The following GRTP1 variants were observed in gnomAD, a reference collection of about 807,000 sequenced individuals.
The protein encoded by GRTP1 is growth hormone-regulated TBC protein 1.
In GRTP1, 56 loss-of-function variants were observed where a neutral mutation model predicts 38.1. That is an observed-to-expected ratio of 1.47 (90% CI 1.19 to 1.84). GRTP1 has a LOEUF of 1.84. GRTP1 is among the 40% of genes most tolerant of loss of function. The pLI is 0.00. For synonymous variants in GRTP1, 217 were observed against 189.5 expected, an observed-to-expected ratio of 1.14 and a Z score of -1.19; for missense variants, 506 against 453.9, an observed-to-expected ratio of 1.11 and a Z score of -1.04.
chr13:113,350,063 C>T (rs1032150092), intron 4 of GRTP1, among the ~76,000 whole-genome samples: 7 of 152,100 alleles, frequency 4.6e-5, no homozygotes, highest in Admixed American at 2.6e-4. Flanking sequence ...ACGGGCTGTG[C>T]GCACACCTGG....
intron 4 of GRTP1, among the ~76,000 whole-genome samples, chr13:113,347,294 G>GAC (rs1308117203): frequency 2.9e-5 from 2 of 68,720 alleles, no homozygotes; most frequent in African/African-American, 7.1e-5. Context: ...CTCTGTGGCT[G>GAC]AGCGGATCTG....
intron 5 of GRTP1, among the ~76,000 whole-genome samples, chr13:113,334,996 G>T (rs1288159668): frequency 6.6e-6 from 1 of 151,638 alleles, no homozygotes; most frequent in Non-Finnish European, 1.5e-5. Flanking sequence ...CTAATTTTTT[G>T]TATTTTTAGT....
At position 113,326,079 on chromosome 13, in the gene GRTP1, G is replaced by A. The variant is rs547229287; in HGVS notation, c.575C>T (p.Pro192Leu). 130 of 1,609,372 alleles carry A rather than the reference G, an allele frequency of 8.1e-5. No homozygotes were observed. The South Asian group carries it at 1.3e-3, about 16-fold the overall frequency. ...VGRILPDYYSPAMLGLKTDQE... is the reference protein window; with the variant it reads ...VGRILPDYYSLAMLGLKTDQE... ...GTCGGTCTTCAGGCCCAGCATGGCC[G>A]GGCTGTAGTAATCTGCCAGGCAATG... The change falls in exon 6 of 8, where the codon CCG (proline) becomes CTG (leucine). Residue 192 changes from proline (P) to leucine (L), a missense_variant. Transcript: ENST00000375431.
Position 113,355,005 on chromosome 13 carries a change from C to G in GRTP1, c.340+318G>C, listed in dbSNP as rs569650670. Reference sequence around the variant, plus strand: ...CAGCTGCGTCCGAAGGCCGCGTGAACAGTGCCCGGTGCGAAGCGCACCGGC... The same window carrying G: ...CAGCTGCGTCCGAAGGCCGCGTGAAGAGTGCCCGGTGCGAAGCGCACCGGC... On this transcript the variant is annotated intron_variant, in intron 3 of 7. Coordinates refer to ENST00000375431, the MANE Select transcript of GRTP1 (RefSeq NM_024719.4). Among the ~76,000 whole-genome samples, 466 of 152,348 alleles carry G rather than the reference C, an allele frequency of 3.1e-3. 5 individuals carry two copies. The highest frequency in any genetic ancestry group is 0.011 in the African/African-American group (449 of 41,588).
intron 4 of GRTP1, among the ~76,000 whole-genome samples, chr13:113,346,164 GAC>G (rs1491136812): frequency 9.5e-5 from 13 of 137,420 alleles, no homozygotes; most frequent in East Asian, 4.2e-4. Flanking sequence ...CTCTGTGCCT[GAC>G]AGTGGACCCG....
chr13:113,324,973 C>T (rs777257446), intron 7 of GRTP1: 18 of 517,444 alleles, frequency 3.5e-5, no homozygotes, highest in Non-Finnish European at 4.3e-5. Context: ...ACTACATAAG[C>T]GTGAGCCACC....
chr13:113,324,378 T>C lies in GRTP1; in HGVS notation c.*110A>G. On this transcript the variant is annotated 3_prime_UTR_variant, in exon 8 of 8. Coordinates refer to ENST00000375431, the MANE Select transcript of GRTP1 (RefSeq NM_024719.4). ...AAAATTCACAACTAAAGTGTAGTGATGTCAAGTATTTACAACACTAAAAAG... is the reference window on the plus strand; with the variant it reads ...AAAATTCACAACTAAAGTGTAGTGACGTCAAGTATTTACAACACTAAAAAG... The C allele has an allele frequency of 5.8e-6, 8 of 1,375,086 alleles. No homozygotes were observed. The highest frequency in any genetic ancestry group is 7.6e-6 in the Non-Finnish European group (8 of 1,058,042). 85.2% of individuals were successfully genotyped at this position (1,375,086 alleles called of 1,614,324 possible).
Position 113,325,759 on chromosome 13 carries a change from C to T in GRTP1, c.823G>A (p.Glu275Lys), listed in dbSNP as rs371367321. ...ACGCTGGTGGCTTCCAAAATCAACT[C>T]CTGGTGCTGCTTAATTAAGGTCAGG... Reference protein sequence around the residue: ...VALTLIKQHQELILEATSVPD... With the variant: ...VALTLIKQHQKLILEATSVPD... The change falls in exon 7 of 8, where the codon GAG becomes AAG. Residue 275 changes from glutamate (E) to lysine (K), a missense_variant. Physicochemically the swap from Glu to Lys is moderately conservative, Grantham distance 56. Coordinates refer to ENST00000375431, the MANE Select transcript of GRTP1 (RefSeq NM_024719.4). 3.1e-6 allele frequency: 5 copies of T among 1,609,448 alleles called. No homozygotes were observed. Among genetic ancestry groups the T allele is most frequent in the African/African-American group, 1.3e-5 (1 of 75,026 alleles).
At chr13:113,328,275 G>T (rs1241450556) in intron 5 of GRTP1, among the ~76,000 whole-genome samples, 1 of 152,196 alleles carries the variant, frequency 6.6e-6, no homozygotes. Context: ...TGGCCAGGAC[G>T]GGGGCACAGC....
At chr13:113,350,082 G>A (rs990666225) in intron 4 of GRTP1, among the ~76,000 whole-genome samples, 3 of 152,060 alleles carry the variant, frequency 2.0e-5, no homozygotes, top group Non-Finnish European at 4.4e-5. Context: ...GGAAACCCTC[G>A]TGGAGGCCAG....
At chr13:113,341,602 C>G (rs2043027514) in intron 5 of GRTP1, among the ~76,000 whole-genome samples, 2 of 152,212 alleles carry the variant, frequency 1.3e-5, no homozygotes, top group South Asian at 4.2e-4. Context: ...AGAGGTTTGT[C>G]TATTTATCAG....
rs1444418343 is a variant in GRTP1 at position 113,349,451 on chromosome 13, T to A, written c.465+1398A>T. 6.6e-6 allele frequency among the ~76,000 whole-genome samples: 1 copy of A among 152,192 alleles called. No individual in the cohort carries two copies. Among genetic ancestry groups the A allele is most frequent in the African/African-American group, 2.4e-5 (1 of 41,426 alleles). On this transcript the variant is annotated intron_variant, in intron 4 of 7. Coordinates refer to ENST00000375431, the MANE Select transcript of GRTP1 (RefSeq NM_024719.4). The surrounding 1 kb of genome is among the most constrained non-coding windows in gnomAD (Gnocchi z 5.0). ...CTGTTTTTAAAACACAAAGGAGCAG[T>A]AAATAGAATGATGTAGAGGATTTCT...
At chr13:113,331,170 C>T (rs1018175900) in intron 5 of GRTP1, among the ~76,000 whole-genome samples, 2 of 152,154 alleles carry the variant, frequency 1.3e-5, no homozygotes, top group Non-Finnish European at 2.9e-5. Context: ...GCATGGAAAC[C>T]GGTCGCAGCT....
chr13:113,363,479 A>G (rs2043537580), intron 2 of GRTP1, among the ~76,000 whole-genome samples: 1 of 152,150 alleles, frequency 6.6e-6, no homozygotes, highest in Non-Finnish European at 1.5e-5. Context: ...CGCTGGGATT[A>G]CAGGCGTGAG....
chr13:113,360,886 G>A (rs1362262362), intron 2 of GRTP1, among the ~76,000 whole-genome samples: 10 of 152,196 alleles, frequency 6.6e-5, no homozygotes, highest in Admixed American at 3.9e-4. Flanking sequence ...TGAGGTGGGC[G>A]GATCACTGGA....
chr13:113,352,074 T>G (rs2043277255), intron 3 of GRTP1: 1 of 146,952 alleles, frequency 6.8e-6, no homozygotes, highest in African/African-American at 2.5e-5. Flanking sequence ...TATTTCTCAT[T>G]GTGTGTTTTC....
intron 4 of GRTP1, among the ~76,000 whole-genome samples, chr13:113,350,248 A>G (rs2043236884): frequency 6.6e-6 from 1 of 152,072 alleles, no homozygotes; most frequent in Non-Finnish European, 1.5e-5. Context: ...ACTAACAGCA[A>G]TGCCCTTAAT....
rs567742442 is a variant in GRTP1, at chr13:113,345,694, C to T, written c.466-735G>A. Among the ~76,000 whole-genome samples the T allele has an allele frequency of 1.4e-4, 21 of 152,362 alleles. No individual in the cohort carries two copies. In the South Asian group the frequency reaches 1.4e-3, roughly 11 times the overall value. On this transcript the variant is annotated intron_variant, in intron 4 of 7. Transcript: ENST00000375431. ...AGTGCGGAGGGGCAGCTGCAGAGAG[C>T]GATGCTGGCAGCAGCGCGGCGGCTT...
intron 5 of GRTP1, among the ~76,000 whole-genome samples, chr13:113,326,528 AGGTGT>A (rs2042776623): frequency 6.6e-6 from 1 of 152,054 alleles, no homozygotes; most frequent in African/African-American, 2.4e-5. Context: ...AAAATTAGCC[AGGTGT>A]GGTGGTGGGC....
Sources: allele counts gnomAD v4.1 joint callset (sites outside exome capture counted in the v4.1 genomes callset), GRCh38; gene constraint gnomAD v4.1.1; non-coding constraint Gnocchi (gnomAD v3.1); transcripts MANE v1.5; gene names NCBI Gene and HGNC (gene_info 2026-07-23, HGNC 2026-07-21).